The following DCP2 variants were observed in gnomAD, a reference collection of about 807,000 sequenced individuals.
The protein encoded by DCP2 is m7GpppN-mRNA hydrolase.
DCP2 carries 30 observed loss-of-function variants against 56.1 expected under a neutral mutation model. The ratio of observed to expected loss-of-function variants is 0.53; its 90% CI spans 0.40 to 0.73. The LOEUF (loss-of-function observed/expected upper bound fraction) is 0.73, where lower values mean the gene tolerates loss of function less well. Ranked by LOEUF, DCP2 falls within the 30% of genes least tolerant of loss-of-function variation. The pLI, the probability that DCP2 is intolerant of heterozygous loss-of-function variation, is 0.00. For synonymous variants in DCP2, 197 were observed against 163.3 expected (o/e 1.21, Z -1.57); for missense variants, 533 against 502.7 (o/e 1.06, Z -0.58).
At chr5:113,002,775 A>G (rs753138206) in intron 7 of DCP2, among the ~76,000 whole-genome samples, 7 of 152,180 alleles carry the variant, frequency 4.6e-5, no homozygotes, top group Non-Finnish European at 1.5e-5. Context: ...CTCCTGCCTC[A>G]GCTTCCCAAA....
At chr5:112,999,873 CA>C (rs1418356034) in intron 4 of DCP2, among the ~76,000 whole-genome samples, 1 of 151,220 alleles carries the variant, frequency 6.6e-6, no homozygotes, top group Non-Finnish European at 1.5e-5. Context: ...CCAGCCTGGC[CA>C]ACATGGTGAA....
intron 10 of DCP2, among the ~76,000 whole-genome samples, chr5:113,012,600 G>T (rs10059132): frequency 0.18 from 27,867 of 152,018 alleles, 2,693 homozygotes; most frequent in Non-Finnish European, 0.21. Context: ...GAGTTTTGTT[G>T]TACTATGATT....
rs918921965 is a variant in DCP2, at chr5:113,020,461, A to G, written c.*6977A>G. ...ATTGTCAAACATTTACTGATAGCAG[A>G]AAAGGAACCCCAAAACACCTGTAGT... On this transcript the variant is annotated 3_prime_UTR_variant, in exon 11 of 11. Transcript: ENST00000389063. 1 of 152,230 alleles carries G rather than the reference A, an allele frequency of 6.6e-6. No homozygotes were observed. The highest frequency in any genetic ancestry group is 2.4e-5 in the African/African-American group (1 of 41,462). 9.4% of individuals were successfully genotyped at this position (152,230 alleles called of 1,614,324 possible). A position where few individuals can be genotyped will look rare whatever the true frequency, so the allele number is the denominator to read the frequency against.
At chr5:113,005,230 AAGT>A (rs1396514134) in intron 8 of DCP2, among the ~76,000 whole-genome samples, 7 of 152,058 alleles carry the variant, frequency 4.6e-5, no homozygotes, top group South Asian at 2.1e-4. Flanking sequence ...AATAGTGAAA[AAGT>A]AGCCCACAAA....
chr5:112,983,671 G>A (rs1300405178), intron 1 of DCP2, among the ~76,000 whole-genome samples: 2 of 152,058 alleles, frequency 1.3e-5, no homozygotes, highest in African/African-American at 4.8e-5. Flanking sequence ...GGGATGGAAG[G>A]AAGATATTAG....
At chr5:113,009,292 A>T (rs1357379013) in intron 9 of DCP2, among the ~76,000 whole-genome samples, 4 of 152,270 alleles carry the variant, frequency 2.6e-5, no homozygotes, top group Non-Finnish European at 4.4e-5. Flanking sequence ...AACTTTGAAT[A>T]GATTTTTAAA....
intron 2 of DCP2, among the ~76,000 whole-genome samples, chr5:112,988,057 T>G (rs1337710055): frequency 6.6e-6 from 1 of 152,194 alleles, no homozygotes; most frequent in East Asian, 1.9e-4. Context: ...CACTTTCCTT[T>G]AGCCTCATGA....
intron 7 of DCP2, 52 bp from the exon 8 acceptor site, chr5:113,003,885 TAAAAG>T (rs1749295301): frequency 6.3e-7 from 1 of 1,587,030 alleles, no homozygotes; most frequent in Non-Finnish European, 8.6e-7. Flanking sequence ...ATTAAGGTGT[TAAAAG>T]AACTATAAGT....
chr5:113,003,631 AT>A, intron 7 of DCP2, among the ~76,000 whole-genome samples: 1 of 152,188 alleles, frequency 6.6e-6, no homozygotes, highest in East Asian at 1.9e-4. Flanking sequence ...TAGTCTGCAT[AT>A]TTTTTAAGAG....
At chr5:113,000,999 T>A (rs1168455273) in intron 4 of DCP2, 85 bp from the exon 5 acceptor site, 1 of 1,306,076 alleles carries the variant, frequency 7.7e-7, no homozygotes, top group Non-Finnish European at 1.0e-6. Context: ...CCCCTTTTTC[T>A]GAGTTTTTGT....
In DCP2 at chr5:113,020,202, G is replaced by GA. The variant is rs1203602091; in HGVS notation, c.*6724dup. On this transcript the variant is annotated 3_prime_UTR_variant, in exon 11 of 11. Coordinates refer to ENST00000389063, the MANE Select transcript of DCP2 (RefSeq NM_152624.6). ...TTTCACTAAATATATTATGGTCAATGAAAAAACCAGACTTTAGAGTAAATG... is the reference window on the plus strand; with the variant it reads ...TTTCACTAAATATATTATGGTCAATGAAAAAAACCAGACTTTAGAGTAAATG... 6.6e-5 allele frequency: 10 copies of GA among 152,162 alleles called. No homozygotes were observed. The highest frequency in any genetic ancestry group is 2.1e-4 in the South Asian group (1 of 4,836). The allele number at this position is 152,162 out of a possible 1,614,324, so 9.4% of individuals were successfully genotyped here. A position where few individuals can be genotyped will look rare whatever the true frequency, so the allele number is the denominator to read the frequency against.
At chr5:112,987,887 C>G (rs1028668787) in intron 2 of DCP2, among the ~76,000 whole-genome samples, 2 of 151,764 alleles carry the variant, frequency 1.3e-5, no homozygotes, top group African/African-American at 4.8e-5. Flanking sequence ...CGCATTTTTC[C>G]CAAGTAGCTG....
At chr5:112,978,683 TAAA>T (rs35646202) in intron 1 of DCP2, among the ~76,000 whole-genome samples, 2 of 136,646 alleles carry the variant, frequency 1.5e-5, no homozygotes, top group Non-Finnish European at 3.2e-5. Flanking sequence ...TTGTCCCAAA[TAAA>T]AAAAAAAAAA....
In DCP2 at chr5:113,021,404, AC is replaced by A. The variant is rs1299466611; in HGVS notation, c.*7925del. Among the ~76,000 whole-genome samples, 501 of 144,040 alleles carry A rather than the reference AC, an allele frequency of 3.5e-3. 10 individuals are homozygous for A. The highest frequency in any genetic ancestry group is 0.012 in the African/African-American group (448 of 37,760). 94.5% of individuals were successfully genotyped at this position (144,040 alleles called of 152,430 possible). A position where few individuals can be genotyped will look rare whatever the true frequency, so the allele number is the denominator to read the frequency against. The stretch of plus-strand genomic sequence containing the variant: ...AAACAACCAAAAAAAAAAAAAAAAA[AC>A]CCCCAGGAAGAAATATTGTCGAGAG... On this transcript the variant is annotated 3_prime_UTR_variant, in exon 11 of 11. Transcript: ENST00000389063.
At chr5:112,984,098 G>A (rs956933564) in intron 1 of DCP2, 1 of 152,234 alleles carries the variant, frequency 6.6e-6, no homozygotes, top group Non-Finnish European at 1.5e-5. Flanking sequence ...TGAAAGGGCA[G>A]TGTAGAGTTG....
rs532413357 is a variant in DCP2 at position 112,995,589 on chromosome 5, T to A, written c.432+2819T>A. ...GCACAGGCATCCTGAAGAGCCGTAG[T>A]CTCTTAATTTCAGGGAGAATTTTTT... On this transcript the variant is annotated intron_variant, in intron 4 of 10. Transcript: ENST00000389063. Among the ~76,000 whole-genome samples the A allele has an allele frequency of 1.8e-3, 268 of 152,340 alleles. 1 individual carries two copies. Among genetic ancestry groups the A allele is most frequent in the South Asian group, 3.3e-3 (16 of 4,828 alleles).
intron 10 of DCP2, among the ~76,000 whole-genome samples, chr5:113,012,215 C>A (rs1339201278): frequency 1.3e-5 from 2 of 152,104 alleles, no homozygotes; most frequent in African/African-American, 4.8e-5. Context: ...TAAAAATGAG[C>A]CAGCTGTGGT....
At chr5:113,004,142 A>G (rs545587789) in intron 8 of DCP2, 65 bp downstream of exon 8, 124 of 1,553,698 alleles carry the variant, frequency 8.0e-5, no homozygotes, top group African/African-American at 5.3e-4. Flanking sequence ...ATTTTTCTCA[A>G]TTGGAGAATT....
chr5:113,004,085 A>T lies in DCP2; in HGVS notation c.942+8A>T. ...GACCTTTTAAAAGGAAAGGTGAGTGATACACAATTACAGTCTTTTCAGAAA... is the reference window on the plus strand; with the variant it reads ...GACCTTTTAAAAGGAAAGGTGAGTGTTACACAATTACAGTCTTTTCAGAAA... On this transcript the variant is annotated splice_region_variant and intron_variant, in intron 8 of 10. Transcript: ENST00000389063. 1 of 1,610,322 alleles carries T rather than the reference A, an allele frequency of 6.2e-7. No homozygotes were observed.
Sources: gnomAD v4.1 joint callset for allele counts (sites outside exome capture counted in the v4.1 genomes callset) on GRCh38, gnomAD v4.1.1 for gene constraint, MANE v1.5 for transcripts, NCBI Gene and HGNC (gene_info 2026-07-23, HGNC 2026-07-21) for gene names.